Variants in GNAZ observed in about 807,000 individuals in gnomAD.
GNAZ encodes guanine nucleotide-binding protein G(z) subunit alpha.
A neutral mutation model predicts 25.4 loss-of-function variants in GNAZ; 3 were observed. The observed-to-expected ratio is 0.12, with a 90% CI of 0.05 to 0.30. The LOEUF is 0.30. Ranked by LOEUF, GNAZ falls within the 10% of genes least tolerant of loss-of-function variation. GNAZ has a pLI of 1.00. For synonymous variants in GNAZ, 211 were observed against 205.7 expected, an observed-to-expected ratio of 1.03 and a Z score of -0.22; for missense variants, 241 against 501.8, an observed-to-expected ratio of 0.48 and a Z score of 4.97.
intron 2 of GNAZ, among the ~76,000 whole-genome samples, chr22:23,113,354 A>T (rs1345479849): frequency 1.3e-5 from 2 of 152,026 alleles, no homozygotes; most frequent in African/African-American, 4.8e-5. Flanking sequence ...TCATAGTCCC[A>T]TCAACCCCTC....
intron 2 of GNAZ, among the ~76,000 whole-genome samples, chr22:23,097,577 C>T (rs1435107236): frequency 6.6e-6 from 1 of 152,244 alleles, no homozygotes; most frequent in Non-Finnish European, 1.5e-5. Flanking sequence ...GACGGACGGG[C>T]AGGCAGGTGT....
intron 2 of GNAZ, among the ~76,000 whole-genome samples, chr22:23,113,118 CAT>C (rs1462752957): frequency 1.3e-5 from 2 of 152,232 alleles, no homozygotes; most frequent in African/African-American, 4.8e-5. Flanking sequence ...CAGGAAGACA[CAT>C]GTTAGACAGC....
chr22:23,078,953 G>T (rs1354121644), intron 1 of GNAZ, among the ~76,000 whole-genome samples: 1 of 152,190 alleles, frequency 6.6e-6, no homozygotes, highest in Non-Finnish European at 1.5e-5. Flanking sequence ...AAGGCCACGG[G>T]CCTTTCCAGA....
At chr22:23,076,095 G>A (rs759776371) in intron 1 of GNAZ, among the ~76,000 whole-genome samples, 5 of 152,204 alleles carry the variant, frequency 3.3e-5, no homozygotes, top group Non-Finnish European at 5.9e-5. Context: ...GGCTGGCATG[G>A]CAGTGAGGGC....
At chr22:23,109,710 G>A (rs779809779) in intron 2 of GNAZ, among the ~76,000 whole-genome samples, 4 of 152,328 alleles carry the variant, frequency 2.6e-5, no homozygotes, top group East Asian at 1.9e-4. Context: ...ACAGAACCAC[G>A]GGGGCAGCAG....
rs1380189277 is a variant in GNAZ, at chr22:23,071,746, TG to T, written c.-450+1182del. Among the ~76,000 whole-genome samples, 1 of 152,082 alleles carries T rather than the reference TG, an allele frequency of 6.6e-6. No homozygotes were observed. Among genetic ancestry groups the T allele is most frequent in the Non-Finnish European group, 1.5e-5 (1 of 68,004 alleles). Reference sequence around the variant, plus strand: ...GGGACCTCAGAGTGGTGTCCTGGGCTGGGGGGTCAGGTGAGCTCGTGGGCAA... The same window carrying T: ...GGGACCTCAGAGTGGTGTCCTGGGCTGGGGGTCAGGTGAGCTCGTGGGCAA... On this transcript the variant is annotated intron_variant, in intron 1 of 2. Transcript: ENST00000615612. This position sits in a 1 kb window ranked among gnomAD's most constrained non-coding sequence, Gnocchi z 4.1.
At chr22:23,110,745 A>C (rs2069621451) in intron 2 of GNAZ, among the ~76,000 whole-genome samples, 1 of 152,230 alleles carries the variant, frequency 6.6e-6, no homozygotes, top group South Asian at 2.1e-4. Context: ...GTGCGTCTGC[A>C]GAGAGTTCAT....
At chr22:23,075,689 C>T (rs1003952511) in intron 1 of GNAZ, among the ~76,000 whole-genome samples, 5 of 152,188 alleles carry the variant, frequency 3.3e-5, no homozygotes, top group Non-Finnish European at 7.3e-5. Context: ...CGGGGGTGTT[C>T]CTTCTAGCAG....
chr22:23,093,093 C>T (rs975993724), intron 1 of GNAZ, among the ~76,000 whole-genome samples: 1 of 152,216 alleles, frequency 6.6e-6, no homozygotes, highest in Non-Finnish European at 1.5e-5. Flanking sequence ...GCTCATGGTT[C>T]GTGTGCATAT....
rs1294507753 is a variant in GNAZ, at chr22:23,076,568, C to T, written c.-450+5998C>T. Reference sequence around the variant, plus strand: ...CAGGTGGATGCTACCAGCTGGGCCCCGTCAGGCCCAACTGTGGGTTACTCT... The same window carrying T: ...CAGGTGGATGCTACCAGCTGGGCCCTGTCAGGCCCAACTGTGGGTTACTCT... On this transcript the variant is annotated intron_variant, in intron 1 of 2. Transcript: ENST00000615612. Among the ~76,000 whole-genome samples, 6 of 152,294 alleles carry T rather than the reference C, an allele frequency of 3.9e-5. No individual in the cohort carries two copies. The East Asian group carries it at 7.7e-4, about 20-fold the overall frequency.
rs2068367629 is a variant in GNAZ, at chr22:23,071,322, G to A, written c.-450+752G>A. ...GTGCTGAGCCTTCCTGGGTGATGAT[G>A]GCAGGATTCGGCCTAGGCCGAGAAT... On this transcript the variant is annotated intron_variant, in intron 1 of 2. Transcript: ENST00000615612. The surrounding 1 kb of genome is among the most constrained non-coding windows in gnomAD (Gnocchi z 4.1). Among the ~76,000 whole-genome samples, 1 of 152,194 alleles carries A rather than the reference G, an allele frequency of 6.6e-6. No homozygotes were observed. The highest frequency in any genetic ancestry group is 1.5e-5 in the Non-Finnish European group (1 of 68,040).
chr22:23,112,065 G>A (rs571726870), intron 2 of GNAZ, among the ~76,000 whole-genome samples: 23 of 152,194 alleles, frequency 1.5e-4, no homozygotes, highest in African/African-American at 5.3e-4. Flanking sequence ...GACAGGCACT[G>A]CCCCTGGCAT....
chr22:23,093,960 G>T (rs2069055200), intron 1 of GNAZ, among the ~76,000 whole-genome samples: 3 of 152,202 alleles, frequency 2.0e-5, no homozygotes, highest in African/African-American at 7.2e-5. Context: ...TCTGTGAGGG[G>T]CAAGGGACAG....
intron 2 of GNAZ, 45 bp from the exon 3 acceptor site, chr22:23,123,042 T>A (rs369001342): frequency 7.6e-7 from 1 of 1,319,794 alleles, no homozygotes; most frequent in Non-Finnish European, 1.1e-6. Context: ...GGTCTGTCTC[T>A]GCCTGCTGCG....
At chr22:23,086,915 T>G (rs543362096) in intron 1 of GNAZ, among the ~76,000 whole-genome samples, 1 of 152,088 alleles carries the variant, frequency 6.6e-6, no homozygotes, top group Non-Finnish European at 1.5e-5. Flanking sequence ...GGCCAGGCCC[T>G]GGGAAACCCA....
intron 2 of GNAZ, 45 bp downstream of exon 2, chr22:23,096,463 G>A: frequency 1.3e-6 from 2 of 1,557,040 alleles, no homozygotes; most frequent in Non-Finnish European, 8.7e-7. Context: ...CTGCTGTCGT[G>A]GGTTCCTGGA....
intron 2 of GNAZ, among the ~76,000 whole-genome samples, chr22:23,115,745 C>A (rs1478556413): frequency 6.6e-6 from 1 of 152,202 alleles, no homozygotes; most frequent in Non-Finnish European, 1.5e-5. Flanking sequence ...CATGTTTGAG[C>A]CATTTTGACT....
chr22:23,089,708 G>T (rs1654609969), intron 1 of GNAZ, among the ~76,000 whole-genome samples: 1 of 152,184 alleles, frequency 6.6e-6, no homozygotes. Context: ...GTCTTGAGGG[G>T]GATGTCCATG....
intron 2 of GNAZ, among the ~76,000 whole-genome samples, chr22:23,097,756 G>A (rs2069169725): frequency 1.3e-5 from 2 of 152,268 alleles, no homozygotes; most frequent in South Asian, 2.1e-4. Flanking sequence ...AGGCATGGCC[G>A]TGGGCAGAGC....
Sources: allele counts gnomAD v4.1 joint callset (sites outside exome capture counted in the v4.1 genomes callset), GRCh38; gene constraint gnomAD v4.1.1; non-coding constraint Gnocchi (gnomAD v3.1); transcripts MANE v1.5; gene names NCBI Gene and HGNC (gene_info 2026-07-23, HGNC 2026-07-21).